The following STIM1 variants were observed in gnomAD, a reference collection of about 807,000 sequenced individuals.
STIM1 encodes stromal interaction molecule 1.
A neutral mutation model predicts 74.7 loss-of-function variants in STIM1; 25 were observed. The ratio of observed to expected loss-of-function variants is 0.33; its 90% CI spans 0.24 to 0.47. The LOEUF is 0.47. Ranked by LOEUF, STIM1 falls within the 20% of genes least tolerant of loss-of-function variation. STIM1 has a pLI of 1.00. For missense variants in STIM1, 728 were observed against 920.8 expected, an observed-to-expected ratio of 0.79 and a Z score of 2.71; for synonymous variants, 328 against 348.8, an observed-to-expected ratio of 0.94 and a Z score of 0.66.
chr11:3,970,032 G>T (rs959139771), intron 2 of STIM1, among the ~76,000 whole-genome samples: 31 of 151,188 alleles, frequency 2.1e-4, no homozygotes, highest in Non-Finnish European at 4.1e-4. Context: ...TGTAACCCAA[G>T]ATCTATAAAT....
chr11:3,983,022 C>T (rs1020273768), intron 2 of STIM1, among the ~76,000 whole-genome samples: 2 of 152,058 alleles, frequency 1.3e-5, no homozygotes, highest in African/African-American at 4.8e-5. Flanking sequence ...GCCTCCATCT[C>T]CTAGGGTCAA....
chr11:4,034,819 A>G (rs543672188), intron 3 of STIM1, among the ~76,000 whole-genome samples: 22 of 152,150 alleles, frequency 1.4e-4, no homozygotes, highest in African/African-American at 5.1e-4. Context: ...CAGGTTATCT[A>G]TTTCTTGAGT....
intron 1 of STIM1, among the ~76,000 whole-genome samples, chr11:3,963,851 A>G (rs1405633798): frequency 2.0e-5 from 3 of 152,192 alleles, no homozygotes; most frequent in Non-Finnish European, 4.4e-5. Context: ...GGAACATATG[A>G]CTGGTCAGGT....
intron 1 of STIM1, among the ~76,000 whole-genome samples, chr11:3,879,370 C>G (rs1438252105): frequency 6.6e-6 from 1 of 152,206 alleles, no homozygotes; most frequent in Non-Finnish European, 1.5e-5. Flanking sequence ...AGGGACTTCC[C>G]TTTCTAGATT....
chr11:3,872,878 A>T (rs1313111443), intron 1 of STIM1, among the ~76,000 whole-genome samples: 2 of 151,390 alleles, frequency 1.3e-5, no homozygotes, highest in Non-Finnish European at 2.9e-5. Context: ...AATTCTTTTG[A>T]TTCTCAAAGT....
At chr11:4,012,042 G>A (rs1455523386) in intron 2 of STIM1, among the ~76,000 whole-genome samples, 2 of 152,098 alleles carry the variant, frequency 1.3e-5, no homozygotes, top group Non-Finnish European at 2.9e-5. Context: ...GTAGATGTGT[G>A]GTGTTATTTC....
At chr11:4,048,744 T>A (rs1220607833) in intron 3 of STIM1, among the ~76,000 whole-genome samples, 1 of 151,962 alleles carries the variant, frequency 6.6e-6, no homozygotes, top group Admixed American at 6.6e-5. Flanking sequence ...ATTATTAATT[T>A]TTTTTTTGAG....
intron 1 of STIM1, among the ~76,000 whole-genome samples, chr11:3,891,918 CAT>C (rs1196712085): frequency 6.6e-6 from 1 of 152,176 alleles, no homozygotes; most frequent in East Asian, 1.9e-4. Context: ...TTTAAATGGA[CAT>C]GTGTAGCTGT....
chr11:3,874,065 C>T (rs982060433), intron 1 of STIM1, among the ~76,000 whole-genome samples: 1 of 152,112 alleles, frequency 6.6e-6, no homozygotes, highest in Non-Finnish European at 1.5e-5. Context: ...GCTATTTTTC[C>T]TGGGGAGCTG....
chr11:4,089,453 G>A lies in STIM1; in HGVS notation c.1635-1829G>A, dbSNP rs546342722. Among the ~76,000 whole-genome samples, 7 of 152,262 alleles carry A rather than the reference G, an allele frequency of 4.6e-5. No homozygotes were observed. The South Asian group carries it at 1.5e-3, about 32-fold the overall frequency. ...TTGGTTTATAATAGTGTTTGGAGAAGGCAAGATATGGAGAGGATCATCTTG... is the reference window on the plus strand; with the variant it reads ...TTGGTTTATAATAGTGTTTGGAGAAAGCAAGATATGGAGAGGATCATCTTG... On this transcript the variant is annotated intron_variant, in intron 12 of 12. Transcript: ENST00000526596.
At chr11:3,958,565 A>G (rs189427262) in intron 1 of STIM1, among the ~76,000 whole-genome samples, 160 of 152,014 alleles carry the variant, frequency 1.1e-3, no homozygotes, top group African/African-American at 3.7e-3. Flanking sequence ...TAGGGGTATG[A>G]CTCCTCTTTC....
intron 7 of STIM1, among the ~76,000 whole-genome samples, chr11:4,079,730 T>C (rs1359711364): frequency 1.3e-5 from 2 of 152,218 alleles, no homozygotes; most frequent in African/African-American, 4.8e-5. Context: ...GAATTGTTTT[T>C]CTCCCATGAC....
At chr11:3,965,255 A>G (rs1590606911) in intron 1 of STIM1, among the ~76,000 whole-genome samples, 1 of 152,246 alleles carries the variant, frequency 6.6e-6, no homozygotes, top group South Asian at 2.1e-4. Flanking sequence ...TATATGGCTG[A>G]CAAATCCTAA....
chr11:3,937,545 G>A (rs1441047668), intron 1 of STIM1, among the ~76,000 whole-genome samples: 1 of 152,082 alleles, frequency 6.6e-6, no homozygotes, highest in Non-Finnish European at 1.5e-5. Context: ...TTTAAAAATG[G>A]ATCTTTCACA....
chr11:4,019,891 T>A (rs1175469797), intron 2 of STIM1, among the ~76,000 whole-genome samples: 1 of 152,202 alleles, frequency 6.6e-6, no homozygotes, highest in East Asian at 1.9e-4. Flanking sequence ...CTAGAACTTA[T>A]AAACTTACCC....
intron 1 of STIM1, among the ~76,000 whole-genome samples, chr11:3,962,857 T>G (rs199674884): frequency 1.3e-5 from 2 of 152,246 alleles, no homozygotes; most frequent in East Asian, 3.8e-4. Context: ...GTTACTCATT[T>G]AGTGTTCATC....
chr11:3,892,803 C>T lies in STIM1; in HGVS notation c.139+36394C>T, dbSNP rs10767685. 61 of 1,612,958 alleles carry T rather than the reference C, an allele frequency of 3.8e-5. No homozygotes were observed. The African/African-American group carries it at 5.5e-4, about 14-fold the overall frequency. On this transcript the variant is annotated intron_variant, in intron 1 of 12. Coordinates refer to ENST00000526596, the MANE Select transcript of STIM1 (RefSeq NM_001382567.1). The stretch of plus-strand genomic sequence containing the variant: ...CGAAAGTTTTCTGCTGTCTTTGGAA[C>T]CTTGTCTGCAAATAGCTTGAAGGAG...
intron 2 of STIM1, among the ~76,000 whole-genome samples, chr11:4,007,439 G>A (rs2135942268): frequency 6.6e-6 from 1 of 152,268 alleles, no homozygotes; most frequent in South Asian, 2.1e-4. Flanking sequence ...ATGTGGTAAT[G>A]CCTACTTCAA....
chr11:4,044,437 C>G (rs2094174382), intron 3 of STIM1, among the ~76,000 whole-genome samples: 2 of 152,228 alleles, frequency 1.3e-5, no homozygotes, highest in East Asian at 3.9e-4. Flanking sequence ...GGTGCTTGAA[C>G]CTTGGGGACA....
Sources: allele counts gnomAD v4.1 joint callset (sites outside exome capture counted in the v4.1 genomes callset), GRCh38; gene constraint gnomAD v4.1.1; transcripts MANE v1.5; gene names NCBI Gene and HGNC (gene_info 2026-07-23, HGNC 2026-07-21).